CGNL1: variants seen among roughly 807,000 people sequenced by gnomAD.
CGNL1 encodes cingulin-like protein 1.
Under a neutral mutation model 141.2 loss-of-function variants are expected in CGNL1, and 132 were observed. The ratio of observed to expected loss-of-function variants is 0.93; its 90% CI spans 0.81 to 1.08. The LOEUF is 1.08. Ranked by LOEUF, CGNL1 falls within the 50% of genes least tolerant of loss-of-function variation. The pLI is 0.00. For synonymous variants in CGNL1, 690 were observed against 622.1 expected, an observed-to-expected ratio of 1.11 and a Z score of -1.63; for missense variants, 1,870 against 1,588.6, an observed-to-expected ratio of 1.18 and a Z score of -3.01.
Position 57,512,682 on chromosome 15 carries a change from G to A in CGNL1, c.2404-4098G>A, listed in dbSNP as rs556438325. Among the ~76,000 whole-genome samples, 9 of 152,226 alleles carry A rather than the reference G, an allele frequency of 5.9e-5. No homozygotes were observed. The South Asian group carries it at 8.3e-4, about 14-fold the overall frequency. ...CAGTCCAGGTTCCCTTATCTAACAC[G>A]CTAGGGTGCTAGTTAGGCCCCAATC... On this transcript the variant is annotated intron_variant, in intron 8 of 18. Transcript: ENST00000281282.
chr15:57,475,980 C>T (rs775218530), intron 8 of CGNL1, among the ~76,000 whole-genome samples: 1 of 152,100 alleles, frequency 6.6e-6, no homozygotes. Flanking sequence ...CCTCGGGTGG[C>T]ATTTATTGTG....
chr15:57,446,929 A>T (rs2063260202), intron 4 of CGNL1, among the ~76,000 whole-genome samples: 1 of 152,030 alleles, frequency 6.6e-6, no homozygotes, highest in African/African-American at 2.4e-5. Flanking sequence ...CGGTTTAAAT[A>T]CTGCCACTTT....
intron 8 of CGNL1, among the ~76,000 whole-genome samples, chr15:57,469,614 G>A (rs1277948245): frequency 6.6e-6 from 1 of 151,994 alleles, no homozygotes; most frequent in East Asian, 1.9e-4. Context: ...CTTTTGTCTT[G>A]TCTGTTCCTC....
At chr15:57,445,314 A>T (rs1296634997) in intron 4 of CGNL1, among the ~76,000 whole-genome samples, 1 of 152,148 alleles carries the variant, frequency 6.6e-6, no homozygotes, top group Non-Finnish European at 1.5e-5. Flanking sequence ...AAAATGAACC[A>T]AGACTTTTAG....
intron 1 of CGNL1, among the ~76,000 whole-genome samples, chr15:57,401,200 A>G (rs1266229623): frequency 6.6e-6 from 1 of 152,086 alleles, no homozygotes; most frequent in African/African-American, 2.4e-5. Flanking sequence ...ATATATCGTA[A>G]TTTAGCCAAT....
chr15:57,379,048 T>G (rs1664471), intron 1 of CGNL1, among the ~76,000 whole-genome samples: 79,782 of 151,596 alleles, frequency 0.53, 22,512 homozygotes, highest in Non-Finnish European at 0.63. Flanking sequence ...ACTGTTTTTT[T>G]TGTGTGTGTG....
chr15:57,384,352 T>G (rs1031103255), intron 1 of CGNL1, among the ~76,000 whole-genome samples: 1 of 152,178 alleles, frequency 6.6e-6, no homozygotes, highest in Non-Finnish European at 1.5e-5. Flanking sequence ...CCTAGAGCTT[T>G]TACTATAGCA....
At position 57,545,666 on chromosome 15, in the gene CGNL1, A is replaced by C. The variant is rs2032821036; in HGVS notation, c.3575A>C (p.Asp1192Ala). The C allele has an allele frequency of 6.2e-7, 1 of 1,613,452 alleles. No individual in the cohort carries two copies. Among genetic ancestry groups the C allele is most frequent in the Admixed American group, 1.7e-5 (1 of 59,974 alleles). The change falls in exon 17 of 19, where the codon GAT becomes GCT. Residue 1192 changes from aspartate (D) to alanine (A), a missense_variant. Transcript: ENST00000281282. The stretch of plus-strand genomic sequence containing the variant: ...AAGGAGCTGGTGATGCAGGTGGATG[A>C]TGAGCACCTGTCATTGACTGATCAG... ...KVKELVMQVD[D>A]EHLSLTDQKD...
At chr15:57,410,651 G>A (rs1175541632) in intron 1 of CGNL1, among the ~76,000 whole-genome samples, 1 of 152,188 alleles carries the variant, frequency 6.6e-6, no homozygotes, top group African/African-American at 2.4e-5. Flanking sequence ...CAACAATTGA[G>A]AAAGATAAAA....
chr15:57,456,153 A>G (rs2063376698), intron 7 of CGNL1, among the ~76,000 whole-genome samples: 1 of 152,304 alleles, frequency 6.6e-6, no homozygotes, highest in East Asian at 1.9e-4. Context: ...CTTTCAATTT[A>G]TTCTTCATAT....
rs540634548 is a variant in CGNL1, at chr15:57,457,620, G to A, written c.2190+3802G>A. 5.9e-5 allele frequency among the ~76,000 whole-genome samples: 9 copies of A among 152,264 alleles called. No individual in the cohort carries two copies. In the South Asian group the frequency reaches 8.3e-4, roughly 14 times the overall value. Reference sequence around the variant, plus strand: ...ATGTGGCCAGGGAGGCCTCATAATCGTGGCAGAGGGTGAAAGGCACCTCTC... The same window carrying A: ...ATGTGGCCAGGGAGGCCTCATAATCATGGCAGAGGGTGAAAGGCACCTCTC... On this transcript the variant is annotated intron_variant, in intron 7 of 18. Coordinates refer to ENST00000281282, the MANE Select transcript of CGNL1 (RefSeq NM_032866.5).
chr15:57,403,544 CCTGTGTGCCCA>C lies in CGNL1; in HGVS notation c.-16+26981_-16+26991del, dbSNP rs1449400305. Among the ~76,000 whole-genome samples the C allele has an allele frequency of 5.3e-5, 8 of 152,304 alleles. No individual in the cohort carries two copies. The East Asian group carries it at 9.6e-4, about 18-fold the overall frequency. ...ACTACAGGGATTTGCAGTCTGCCCTCCTGTGTGCCCACTGAGAGCAATGGGCAGAGGCTGAC... is the reference window on the plus strand; with the variant it reads ...ACTACAGGGATTTGCAGTCTGCCCTCCTGAGAGCAATGGGCAGAGGCTGAC... On this transcript the variant is annotated intron_variant, in intron 1 of 18. Transcript: ENST00000281282.
chr15:57,411,465 A>G (rs1202887275), intron 1 of CGNL1, among the ~76,000 whole-genome samples: 1 of 144,714 alleles, frequency 6.9e-6, no homozygotes, highest in Non-Finnish European at 1.5e-5. Flanking sequence ...TTTTTTTGAG[A>G]CAGAGCCTTG....
At chr15:57,533,273 T>C (rs1416818243) in intron 14 of CGNL1, among the ~76,000 whole-genome samples, 1 of 152,200 alleles carries the variant, frequency 6.6e-6, no homozygotes, top group East Asian at 1.9e-4. Context: ...AGGCCAGAGC[T>C]GCACAGGTTT....
rs369067770 is a variant in CGNL1 at position 57,403,813 on chromosome 15, G to A, written c.-16+27246G>A. Among the ~76,000 whole-genome samples the A allele has an allele frequency of 2.6e-4, 39 of 152,312 alleles. No individual in the cohort carries two copies. The East Asian group carries it at 3.5e-3, about 14-fold the overall frequency. Reference sequence around the variant, plus strand: ...GGTTTTAATGGCCGTGTCTAGAGAGGCACTCCTGCTCTGTACAAGGGCTGG... The same window carrying A: ...GGTTTTAATGGCCGTGTCTAGAGAGACACTCCTGCTCTGTACAAGGGCTGG... On this transcript the variant is annotated intron_variant, in intron 1 of 18. Coordinates refer to ENST00000281282, the MANE Select transcript of CGNL1 (RefSeq NM_032866.5).
At chr15:57,412,501 C>T (rs760520952) in intron 1 of CGNL1, among the ~76,000 whole-genome samples, 5 of 152,146 alleles carry the variant, frequency 3.3e-5, no homozygotes, top group Admixed American at 1.3e-4. Context: ...CTTTGATTAT[C>T]ACATTTCCCA....
At chr15:57,528,939 G>A in intron 13 of CGNL1, 124 bp downstream of exon 13, 3 of 999,274 alleles carry the variant, frequency 3.0e-6, no homozygotes, top group Non-Finnish European at 4.4e-6. Context: ...CTCTCCCACA[G>A]CTGGGTGTAG....
chr15:57,450,208 C>G (rs920007550), intron 4 of CGNL1, among the ~76,000 whole-genome samples: 2 of 152,162 alleles, frequency 1.3e-5, no homozygotes, highest in Admixed American at 1.3e-4. Context: ...CACATCCTTG[C>G]CACCATTTGG....
At chr15:57,503,547 C>T (rs1390514925) in intron 8 of CGNL1, among the ~76,000 whole-genome samples, 5 of 152,084 alleles carry the variant, frequency 3.3e-5, no homozygotes, top group Non-Finnish European at 5.9e-5. Context: ...CATCAGCCTG[C>T]GGTGTTCCAG....
Sources: gnomAD v4.1 joint callset for allele counts (sites outside exome capture counted in the v4.1 genomes callset) on GRCh38, gnomAD v4.1.1 for gene constraint, MANE v1.5 for transcripts, NCBI Gene and HGNC (gene_info 2026-07-23, HGNC 2026-07-21) for gene names.